MCC: variants seen among roughly 807,000 people sequenced by gnomAD.
The protein encoded by MCC is MCC regulator of Wnt signaling pathway, also known as colorectal mutant cancer protein.
A neutral mutation model predicts 116.2 loss-of-function variants in MCC; 90 were observed. That is an observed-to-expected ratio of 0.77 (90% confidence interval 0.65 to 0.92). The LOEUF (loss-of-function observed/expected upper bound fraction) is 0.92, where lower values mean the gene tolerates loss of function less well. MCC is among the 40% of genes least tolerant of loss of function. The pLI is 0.00. For missense variants in MCC, 1,516 were observed against 1,312.2 expected, an observed-to-expected ratio of 1.16 and a Z score of -2.40; for synonymous variants, 578 against 510.5, an observed-to-expected ratio of 1.13 and a Z score of -1.78.
At chr5:113,045,415 T>C (rs2150216875) in intron 16 of MCC, among the ~76,000 whole-genome samples, 1 of 152,362 alleles carries the variant, frequency 6.6e-6, no homozygotes, top group South Asian at 2.1e-4. Flanking sequence ...ATGGTTTTCC[T>C]ATTTTTAAAA....
At chr5:113,338,251 G>A (rs180701622) in intron 3 of MCC, among the ~76,000 whole-genome samples, 10 of 152,332 alleles carry the variant, frequency 6.6e-5, no homozygotes, top group Admixed American at 4.6e-4. Flanking sequence ...AGTGTGCAGA[G>A]GAAATGTTAG....
intron 3 of MCC, among the ~76,000 whole-genome samples, chr5:113,209,698 G>C (rs1236694657): frequency 2.0e-5 from 3 of 152,168 alleles, no homozygotes; most frequent in South Asian, 2.1e-4. Flanking sequence ...TCAAACATTA[G>C]ACTGCAGCTC....
chr5:113,339,853 G>C (rs1425882195), intron 3 of MCC, among the ~76,000 whole-genome samples: 3 of 152,200 alleles, frequency 2.0e-5, no homozygotes, highest in South Asian at 4.1e-4. Context: ...CAAAAAGCCA[G>C]GTAGGCTTTT....
chr5:113,294,973 C>G, intron 3 of MCC: 1 of 985,536 alleles, frequency 1.0e-6, no homozygotes, highest in Non-Finnish European at 1.2e-6. Flanking sequence ...TGTCTAGCTG[C>G]TGGCCACGGG....
At chr5:113,482,538 T>C (rs889212053) in intron 1 of MCC, among the ~76,000 whole-genome samples, 2 of 152,214 alleles carry the variant, frequency 1.3e-5, no homozygotes, top group Admixed American at 1.3e-4. Context: ...CGTGTGCATA[T>C]TGGCTATGTG....
chr5:113,052,337 G>C (rs937052346), intron 15 of MCC, among the ~76,000 whole-genome samples: 1 of 152,124 alleles, frequency 6.6e-6, no homozygotes, highest in Non-Finnish European at 1.5e-5. Context: ...TCGCTACAAT[G>C]ATGGACCCAA....
At chr5:113,197,890 C>T (rs1214838511) in intron 3 of MCC, among the ~76,000 whole-genome samples, 1 of 152,158 alleles carries the variant, frequency 6.6e-6, no homozygotes, top group Non-Finnish European at 1.5e-5. Flanking sequence ...TAAACCCAGG[C>T]AGGAGAGGCG....
chr5:113,458,790 T>C (rs1232155461), intron 1 of MCC, among the ~76,000 whole-genome samples: 1 of 152,168 alleles, frequency 6.6e-6, no homozygotes, highest in Non-Finnish European at 1.5e-5. Flanking sequence ...GCCCTGTATA[T>C]GGCATGGTTA....
At chr5:113,089,530 G>C (rs112030244) in intron 8 of MCC, among the ~76,000 whole-genome samples, 16 of 152,240 alleles carry the variant, frequency 1.1e-4, no homozygotes, top group Non-Finnish European at 2.4e-4. Flanking sequence ...AGTCAGCGAA[G>C]TGGGAATAAG....
intron 5 of MCC, among the ~76,000 whole-genome samples, chr5:113,129,373 A>C (rs1249206238): frequency 6.6e-6 from 1 of 152,210 alleles, no homozygotes; most frequent in Non-Finnish European, 1.5e-5. Flanking sequence ...TTCATTTAAG[A>C]AATCATTGGT....
intron 14 of MCC, among the ~76,000 whole-genome samples, chr5:113,056,900 G>A (rs1292399498): frequency 6.6e-6 from 1 of 152,178 alleles, no homozygotes; most frequent in Non-Finnish European, 1.5e-5. Context: ...GCCAGGAAGT[G>A]AAATACACAG....
chr5:113,080,850 C>G (rs1162627696), intron 11 of MCC, among the ~76,000 whole-genome samples: 1 of 151,568 alleles, frequency 6.6e-6, no homozygotes, highest in East Asian at 1.9e-4. Flanking sequence ...GAAAAATCAC[C>G]CCTCCCAGAG....
At chr5:113,226,100 C>A (rs114122894) in intron 3 of MCC, among the ~76,000 whole-genome samples, 9 of 152,344 alleles carry the variant, frequency 5.9e-5, no homozygotes, top group Admixed American at 2.6e-4. Flanking sequence ...TGCTTGAACC[C>A]GCAAGGCGAA....
chr5:113,395,113 T>C (rs1439823373), intron 1 of MCC, among the ~76,000 whole-genome samples: 2 of 152,204 alleles, frequency 1.3e-5, no homozygotes, highest in African/African-American at 4.8e-5. Flanking sequence ...ACACCTGGTA[T>C]ACAGTAAGTG....
intron 14 of MCC, among the ~76,000 whole-genome samples, chr5:113,054,677 C>T (rs1242286089): frequency 6.6e-6 from 1 of 152,216 alleles, no homozygotes; most frequent in East Asian, 1.9e-4. Flanking sequence ...TACCCCCTGG[C>T]CTTCACAGGA....
chr5:113,129,189 G>C (rs964892688), intron 5 of MCC, among the ~76,000 whole-genome samples: 23 of 152,130 alleles, frequency 1.5e-4, no homozygotes, highest in African/African-American at 5.6e-4. Context: ...TTAAAGGTGT[G>C]AGAGAGAGAG....
At chr5:113,396,094 G>A (rs1001704894) in intron 1 of MCC, among the ~76,000 whole-genome samples, 13 of 152,202 alleles carry the variant, frequency 8.5e-5, no homozygotes, top group Non-Finnish European at 1.3e-4. Flanking sequence ...TTGGGAGGCC[G>A]AGGCAGGAGG....
chr5:113,360,760 T>C (rs1768525352), intron 2 of MCC, among the ~76,000 whole-genome samples: 1 of 152,230 alleles, frequency 6.6e-6, no homozygotes, highest in Non-Finnish European at 1.5e-5. Flanking sequence ...CTGCAGCATC[T>C]ATAGCAGTCT....
At chr5:113,048,954 G>C (rs1427051138) in intron 16 of MCC, 139 bp downstream of exon 16, 6 of 749,434 alleles carry the variant, frequency 8.0e-6, no homozygotes, top group Non-Finnish European at 1.4e-5. Flanking sequence ...CACCTTCTTA[G>C]ATACCTACGA....
Sources: gnomAD v4.1 joint callset for allele counts (sites outside exome capture counted in the v4.1 genomes callset) on GRCh38, gnomAD v4.1.1 for gene constraint, MANE v1.5 for transcripts, NCBI Gene and HGNC (gene_info 2026-07-23, HGNC 2026-07-21) for gene names.